The following ITFG1 variants were observed in gnomAD, a reference collection of about 807,000 sequenced individuals.
The protein encoded by ITFG1 is integrin alpha FG-GAP repeat containing 1, also known as T-cell immunomodulatory protein.
A neutral mutation model predicts 81.8 loss-of-function variants in ITFG1; 34 were observed. That is an observed-to-expected ratio of 0.42 (90% CI 0.32 to 0.55). The LOEUF (loss-of-function observed/expected upper bound fraction) is 0.55, where lower values mean the gene tolerates loss of function less well. ITFG1 is among the 20% of genes least tolerant of loss of function. ITFG1 has a pLI of 0.17. For missense variants in ITFG1, 672 were observed against 755.4 expected, an observed-to-expected ratio of 0.89 and a Z score of 1.29; for synonymous variants, 285 against 270.6, an observed-to-expected ratio of 1.05 and a Z score of -0.52.
At chr16:47,192,195 T>C (rs571064902) in intron 14 of ITFG1, among the ~76,000 whole-genome samples, 1 of 152,368 alleles carries the variant, frequency 6.6e-6, no homozygotes, top group Non-Finnish European at 1.5e-5. Flanking sequence ...TTTTGCCTTT[T>C]AGTGTGGCTT....
intron 6 of ITFG1, among the ~76,000 whole-genome samples, chr16:47,416,987 C>A (rs992021183): frequency 1.3e-5 from 2 of 152,164 alleles, no homozygotes; most frequent in Non-Finnish European, 2.9e-5. Context: ...CCTGTTATTG[C>A]TACATAGTAG....
At chr16:47,422,942 G>A (rs933227936) in intron 6 of ITFG1, among the ~76,000 whole-genome samples, 2 of 152,138 alleles carry the variant, frequency 1.3e-5, no homozygotes, top group Admixed American at 6.6e-5. Flanking sequence ...TATTAGGTCC[G>A]CTTGGTCCAG....
chr16:47,192,595 C>T (rs967693297), intron 14 of ITFG1, among the ~76,000 whole-genome samples: 3 of 152,112 alleles, frequency 2.0e-5, no homozygotes, highest in Admixed American at 6.5e-5. Flanking sequence ...CCCCAACCAC[C>T]CACCTGCCCC....
intron 5 of ITFG1, among the ~76,000 whole-genome samples, chr16:47,445,072 G>C (rs940493652): frequency 6.7e-6 from 1 of 148,926 alleles, no homozygotes; most frequent in African/African-American, 2.5e-5. Flanking sequence ...CATGATGTCT[G>C]CTTTTGTATG....
chr16:47,184,725 G>A (rs1965186291), intron 14 of ITFG1, among the ~76,000 whole-genome samples: 1 of 151,828 alleles, frequency 6.6e-6, no homozygotes. Flanking sequence ...GTCAACTAAT[G>A]AGCAAAATAA....
chr16:47,230,251 CAG>C (rs1567430022), intron 13 of ITFG1, among the ~76,000 whole-genome samples: 2 of 151,980 alleles, frequency 1.3e-5, no homozygotes, highest in African/African-American at 4.8e-5. Flanking sequence ...GAAGAATGGA[CAG>C]AGAGGTAGGA....
At chr16:47,295,224 C>T (rs766035587) in intron 10 of ITFG1, among the ~76,000 whole-genome samples, 4 of 152,120 alleles carry the variant, frequency 2.6e-5, no homozygotes, top group Admixed American at 2.0e-4. Flanking sequence ...ATTCAATTTG[C>T]TAGTATTATG....
At chr16:47,268,160 A>C (rs1207679930) in intron 10 of ITFG1, among the ~76,000 whole-genome samples, 1 of 152,114 alleles carries the variant, frequency 6.6e-6, no homozygotes, top group African/African-American at 2.4e-5. Context: ...TAAAAAAATA[A>C]AAAGGAGAAA....
At chr16:47,246,665 C>G (rs1966005540) in intron 12 of ITFG1, among the ~76,000 whole-genome samples, 1 of 152,104 alleles carries the variant, frequency 6.6e-6, no homozygotes, top group Non-Finnish European at 1.5e-5. Context: ...GCTCTGCTAG[C>G]TATGTATGTT....
At chr16:47,460,504 C>T (rs1343258005) in intron 1 of ITFG1, among the ~76,000 whole-genome samples, 1 of 152,052 alleles carries the variant, frequency 6.6e-6, no homozygotes, top group East Asian at 1.9e-4. Flanking sequence ...TACAAAGATT[C>T]CTAGGAATCA....
intron 5 of ITFG1, among the ~76,000 whole-genome samples, chr16:47,438,779 TCTC>T (rs1969204857): frequency 1.3e-5 from 2 of 152,130 alleles, no homozygotes; most frequent in South Asian, 4.1e-4. Context: ...TCAGAGCACC[TCTC>T]CTCCTCCAAA....
chr16:47,300,387 G>A (rs1967057174), intron 10 of ITFG1, among the ~76,000 whole-genome samples: 1 of 152,200 alleles, frequency 6.6e-6, no homozygotes, highest in South Asian at 2.1e-4. Context: ...GGTCACAACG[G>A]TGTGTTGGAG....
chr16:47,362,090 T>C (rs1968116880), intron 8 of ITFG1, among the ~76,000 whole-genome samples: 1 of 152,154 alleles, frequency 6.6e-6, no homozygotes, highest in African/African-American at 2.4e-5. Flanking sequence ...GTATCACCCT[T>C]TTTTAGGTAA....
Position 47,311,370 on chromosome 16 carries a change from A to T in ITFG1, c.940T>A (p.Trp314Arg), listed in dbSNP as rs776010304. The part of the protein sequence containing the change: ...LQDFSNKGTL[W>R]GFVPFVDEQQ... ...TCATCCACAAATGGCACAAAGCCCC[A>T]GAGTGTGCCCTTATTGCTGAAATCT... is the stretch of plus-strand genomic sequence containing the variant. The change falls in exon 10 of 18, where the codon TGG (tryptophan) becomes AGG (arginine). Residue 314 changes from tryptophan to arginine, a missense_variant. Coordinates refer to ENST00000320640, the MANE Select transcript of ITFG1 (RefSeq NM_030790.5). 1.2e-6 allele frequency: 2 copies of T among 1,613,772 alleles called. No individual in the cohort carries two copies. The highest frequency in any genetic ancestry group is 2.7e-5 in the African/African-American group (2 of 74,932).
chr16:47,405,833 T>A (rs940185676), intron 6 of ITFG1, among the ~76,000 whole-genome samples: 1 of 151,980 alleles, frequency 6.6e-6, no homozygotes, highest in Non-Finnish European at 1.5e-5. Context: ...TCTGACTTTT[T>A]GGGGGGATGA....
intron 14 of ITFG1, among the ~76,000 whole-genome samples, chr16:47,175,213 A>G (rs1965009698): frequency 6.6e-6 from 1 of 152,080 alleles, no homozygotes; most frequent in Admixed American, 6.5e-5. Flanking sequence ...ATCTGTGGCA[A>G]GTACTTCTTG....
At chr16:47,409,699 G>A (rs1477065749) in intron 6 of ITFG1, among the ~76,000 whole-genome samples, 1 of 151,014 alleles carries the variant, frequency 6.6e-6, no homozygotes, top group East Asian at 2.0e-4. Context: ...TTACAGGCGT[G>A]AGCCACTGCA....
intron 7 of ITFG1, among the ~76,000 whole-genome samples, chr16:47,373,690 G>T (rs936340485): frequency 2.0e-5 from 3 of 152,138 alleles, no homozygotes; most frequent in Admixed American, 2.0e-4. Context: ...ACCAGCCAGG[G>T]TCATCCACAC....
At chr16:47,285,125 T>G (rs1252564699) in intron 10 of ITFG1, among the ~76,000 whole-genome samples, 1 of 152,208 alleles carries the variant, frequency 6.6e-6, no homozygotes, top group Non-Finnish European at 1.5e-5. Context: ...GAGGCAGGCC[T>G]CTGACCTTCT....
Sources: gnomAD v4.1 joint callset for allele counts (sites outside exome capture counted in the v4.1 genomes callset) on GRCh38, gnomAD v4.1.1 for gene constraint, MANE v1.5 for transcripts, NCBI Gene and HGNC (gene_info 2026-07-23, HGNC 2026-07-21) for gene names.